TM9SF2: variants seen among roughly 807,000 people sequenced by gnomAD.
TM9SF2 encodes the protein 76 kDa membrane protein.
TM9SF2 carries 13 observed loss-of-function variants against 84.9 expected under a neutral mutation model. That is an observed-to-expected ratio of 0.15 (90% CI 0.10 to 0.24). The LOEUF is 0.24. Among genes scored for constraint, TM9SF2 ranks in the 10% least tolerant of loss-of-function variants. The pLI, the probability that TM9SF2 is intolerant of heterozygous loss-of-function variation, is 1.00. For missense variants in TM9SF2, 562 were observed against 818.5 expected (o/e 0.69, Z 3.82); for synonymous variants, 273 against 285.8 (o/e 0.96, Z 0.45).
chr13:99,503,637 G>T (rs138081998), intron 1 of TM9SF2, among the ~76,000 whole-genome samples: 2,455 of 151,218 alleles, frequency 0.016, 61 homozygotes, highest in African/African-American at 0.056. Context: ...TTGAACTCTG[G>T]AGGTGGAGGT....
chr13:99,536,655 G>A lies in TM9SF2; in HGVS notation c.509G>A (p.Gly170Asp). ...PVTWCYDVED[G>D]QRFCNPGFPI... ...ACGTGGTGTTACGATGTTGAAGATG[G>A]TCAGAGGTTCTGTAATCCTGGATTT... The change falls in exon 5 of 17, where the codon GGT becomes GAT. Residue 170 changes from glycine (G) to aspartate (D), a missense_variant. Gly to Asp is a moderately conservative substitution (Grantham distance 94). Coordinates refer to ENST00000376387, the MANE Select transcript of TM9SF2 (RefSeq NM_004800.3). 12 of 1,613,768 alleles carry A rather than the reference G, an allele frequency of 7.4e-6. No individual in the cohort carries two copies. The highest frequency in any genetic ancestry group is 1.0e-5 in the Non-Finnish European group (12 of 1,179,786).
intron 2 of TM9SF2, chr13:99,519,485 A>G (rs2046149667): frequency 6.5e-6 from 1 of 152,826 alleles, no homozygotes; most frequent in African/African-American, 2.4e-5. Flanking sequence ...AAAGTTGGTT[A>G]GTAATACAAG....
intron 3 of TM9SF2, among the ~76,000 whole-genome samples, chr13:99,523,889 G>A (rs567785540): frequency 1.3e-5 from 2 of 152,264 alleles, no homozygotes; most frequent in African/African-American, 4.8e-5. Context: ...CTGCAAAGGT[G>A]GATTTAAAAT....
At chr13:99,525,712 C>T (rs4622368) in intron 3 of TM9SF2, among the ~76,000 whole-genome samples, 131,650 of 151,770 alleles carry the variant, frequency 0.87, 57,393 homozygotes, top group Admixed American at 0.92. Context: ...CCCGCCACTA[C>T]GCCCAGCTTA....
intron 1 of TM9SF2, among the ~76,000 whole-genome samples, chr13:99,509,232 T>C (rs989162745): frequency 6.6e-6 from 1 of 152,188 alleles, no homozygotes; most frequent in African/African-American, 2.4e-5. Flanking sequence ...CTGTAGCTTT[T>C]CCAGGCACAG....
intron 4 of TM9SF2, among the ~76,000 whole-genome samples, chr13:99,530,403 G>A (rs903442207): frequency 3.3e-5 from 5 of 152,120 alleles, no homozygotes; most frequent in Non-Finnish European, 5.9e-5. Flanking sequence ...CCGCCTGGGC[G>A]ACAGAGCAAG....
At chr13:99,552,498 T>A in intron 13 of TM9SF2, among the ~76,000 whole-genome samples, 172 bp downstream of exon 13, 1 of 152,174 alleles carries the variant, frequency 6.6e-6, no homozygotes, top group Non-Finnish European at 1.5e-5. Context: ...GGTAGAGAGG[T>A]TACAGATCTA....
At chr13:99,504,036 T>G (rs979261296) in intron 1 of TM9SF2, among the ~76,000 whole-genome samples, 2 of 152,212 alleles carry the variant, frequency 1.3e-5, no homozygotes, top group African/African-American at 4.8e-5. Flanking sequence ...CTTTCAGCTT[T>G]TTTCCTGCGA....
intron 1 of TM9SF2, among the ~76,000 whole-genome samples, chr13:99,504,216 T>A (rs1215381094): frequency 6.6e-6 from 1 of 152,268 alleles, no homozygotes; most frequent in African/African-American, 2.4e-5. Context: ...GACAGTCTTG[T>A]ACACATTATT....
At chr13:99,532,837 T>C (rs2046216931) in intron 4 of TM9SF2, among the ~76,000 whole-genome samples, 1 of 152,204 alleles carries the variant, frequency 6.6e-6, no homozygotes, top group Non-Finnish European at 1.5e-5. Context: ...GTAATCAGCA[T>C]ATCAATTGCA....
At chr13:99,519,951 A>G in intron 2 of TM9SF2, 85 bp from the exon 3 acceptor site, 1 of 1,186,628 alleles carries the variant, frequency 8.4e-7, no homozygotes, top group Non-Finnish European at 1.2e-6. Flanking sequence ...AATGATCAGT[A>G]CCTAATCTGC....
intron 1 of TM9SF2, among the ~76,000 whole-genome samples, chr13:99,504,434 A>G (rs1157346057): frequency 6.6e-6 from 1 of 152,166 alleles, no homozygotes; most frequent in Non-Finnish European, 1.5e-5. Context: ...GGTATTTTGC[A>G]TTTCTTAGAG....
At chr13:99,541,849 C>T (rs563930753) in intron 9 of TM9SF2, 182 bp downstream of exon 9, 1 of 452,816 alleles carries the variant, frequency 2.2e-6, no homozygotes, top group East Asian at 4.5e-5. Context: ...GAAAGTGATA[C>T]TTAAGAATTA....
intron 11 of TM9SF2, among the ~76,000 whole-genome samples, chr13:99,548,738 AGTT>A (rs2046294229): frequency 6.6e-6 from 1 of 152,208 alleles, no homozygotes; most frequent in African/African-American, 2.4e-5. Context: ...CTAGAGGAAG[AGTT>A]GGCCTACTGT....
chr13:99,549,343 A>G, intron 12 of TM9SF2, 121 bp downstream of exon 12: 3 of 723,112 alleles, frequency 4.1e-6, no homozygotes, highest in South Asian at 2.0e-5. Context: ...AGTAAATTTA[A>G]TTTTTGAAAA....
chr13:99,523,115 A>G (rs979502455), intron 3 of TM9SF2, among the ~76,000 whole-genome samples: 1 of 152,064 alleles, frequency 6.6e-6, no homozygotes, highest in East Asian at 1.9e-4. Flanking sequence ...ATTGACCAAC[A>G]TTTTTCATTT....
intron 1 of TM9SF2, among the ~76,000 whole-genome samples, chr13:99,508,149 C>CT (rs1327671724): frequency 6.6e-6 from 1 of 152,168 alleles, no homozygotes; most frequent in African/African-American, 2.4e-5. Flanking sequence ...CTTGCTTTCT[C>CT]TAAGTGACAT....
intron 12 of TM9SF2, among the ~76,000 whole-genome samples, chr13:99,551,825 CA>C (rs1375037885): frequency 6.6e-6 from 1 of 152,172 alleles, no homozygotes; most frequent in Non-Finnish European, 1.5e-5. Context: ...TAGCCCGTCA[CA>C]GAAGGTAAAA....
intron 15 of TM9SF2, among the ~76,000 whole-genome samples, chr13:99,557,431 T>C (rs1011398626): frequency 2.0e-5 from 3 of 152,250 alleles, no homozygotes; most frequent in Non-Finnish European, 4.4e-5. Flanking sequence ...AGTAGATCTT[T>C]ATCAGATTGT....
Sources: allele counts gnomAD v4.1 joint callset (sites outside exome capture counted in the v4.1 genomes callset), GRCh38; gene constraint gnomAD v4.1.1; transcripts MANE v1.5; gene names NCBI Gene and HGNC (gene_info 2026-07-23, HGNC 2026-07-21).